GRIN2D: variants seen among roughly 807,000 people sequenced by gnomAD.
GRIN2D encodes the protein glutamate receptor ionotropic, NMDA 2D.
GRIN2D carries 37 observed loss-of-function variants against 103.2 expected under a neutral mutation model. The observed-to-expected ratio is 0.36, with a 90% confidence interval of 0.28 to 0.47. The LOEUF (loss-of-function observed/expected upper bound fraction) is 0.47, where lower values mean the gene tolerates loss of function less well. Among genes scored for constraint, GRIN2D ranks in the 20% least tolerant of loss-of-function variants. GRIN2D has a pLI of 1.00. For synonymous variants in GRIN2D, 845 were observed against 885.6 expected (o/e 0.95, Z 0.81); for missense variants, 1,557 against 1,910.6 (o/e 0.81, Z 3.45).
In GRIN2D at chr19:48,404,741, G is replaced by C; in HGVS notation, c.473G>C (p.Gly158Ala). The change falls in exon 4 of 14, where the codon GGC becomes GCC. Residue 158 changes from glycine to alanine, a missense_variant. Gly to Ala is a moderately conservative substitution (Grantham distance 60). Transcript: ENST00000263269. The stretch of plus-strand genomic sequence containing the variant: ...CTCCTCCCTCCCTGGCAGGAGAAGG[G>C]CTCCACCTTCCTGCAGCTGGGCTCT... ...AALVLTPKEK[G>A]STFLQLGSST... is the part of the protein sequence containing the mutation. The C allele has an allele frequency of 6.2e-7, 1 of 1,600,524 alleles. No homozygotes were observed. The highest frequency in any genetic ancestry group is 8.5e-7 in the Non-Finnish European group (1 of 1,171,904).
rs559796936 is a variant in GRIN2D, at chr19:48,404,634, G to A, written c.466-100G>A. 53 of 1,199,004 alleles carry A rather than the reference G, an allele frequency of 4.4e-5. No homozygotes were observed. The East Asian group carries it at 1.2e-3, about 28-fold the overall frequency. The allele number at this position is 1,199,004 out of a possible 1,614,324, so 74.3% of individuals were successfully genotyped here. Reference sequence around the variant, plus strand: ...AGGAGATGGGTTTAGTGAACCTGTCGAGTCAGTCTGCCATATTGGGAGCTG... The same window carrying A: ...AGGAGATGGGTTTAGTGAACCTGTCAAGTCAGTCTGCCATATTGGGAGCTG... On this transcript the variant is annotated intron_variant, in intron 3 of 13. Coordinates refer to ENST00000263269, the MANE Select transcript of GRIN2D (RefSeq NM_000836.4).
chr19:48,415,938 G>T, intron 7 of GRIN2D, 64 bp from the exon 8 acceptor site: 1 of 1,472,136 alleles, frequency 6.8e-7, no homozygotes, highest in South Asian at 1.1e-5. Flanking sequence ...TCTGCTCGCC[G>T]TCCGTGTCAG....
Position 48,398,720 on chromosome 19 carries a change from T to C in GRIN2D, c.328T>C (p.Leu110=). The change falls in exon 3 of 14, where the codon TTG becomes CTG. Residue 110 remains leucine (L), a synonymous_variant. Coordinates refer to ENST00000263269, the MANE Select transcript of GRIN2D (RefSeq NM_000836.4). The stretch of plus-strand genomic sequence containing the variant: ...GCAGCTCTGCGACCTGCTGTCGGGG[T>C]TGCGCGTGCACGGCGTGGTCTTCGA... ...VLQLCDLLSG[L]RVHGVVFEDD... The C allele has an allele frequency of 6.8e-7, 1 of 1,467,542 alleles. No homozygotes were observed. Among genetic ancestry groups the C allele is most frequent in the Non-Finnish European group, 9.0e-7 (1 of 1,115,758 alleles). The allele number at this position is 1,467,542 out of a possible 1,614,324, so 90.9% of individuals were successfully genotyped here.
chr19:48,416,211 C>T (rs1042444245), intron 8 of GRIN2D, 56 bp downstream of exon 8: 4 of 1,509,176 alleles, frequency 2.7e-6, no homozygotes, highest in Non-Finnish European at 3.6e-6. Flanking sequence ...CCGTCCCCAA[C>T]CGTGTGGGCC....
Position 48,398,760 on chromosome 19 carries a change from C to T in GRIN2D, c.368C>T (p.Ala123Val). The T allele has an allele frequency of 6.8e-7, 1 of 1,463,046 alleles. No individual in the cohort carries two copies. 90.6% of individuals were successfully genotyped at this position (1,463,046 alleles called of 1,614,324 possible). A position where few individuals can be genotyped will look rare whatever the true frequency, so the allele number is the denominator to read the frequency against. Residue 123 changes from alanine (A) to valine (V), a missense_variant, in exon 3 of 14, where the codon GCG (alanine) becomes GTG (valine). By Grantham distance (64) the Ala-to-Val change is moderately conservative. This residue lies in a region of GRIN2D where 490 missense variants were observed against 601.1 expected (regional missense o/e 0.82). Coordinates refer to ENST00000263269, the MANE Select transcript of GRIN2D (RefSeq NM_000836.4). ...GTGGTCTTCGAAGACGACTCGCGCGCGCCCGCCGTCGCGCCCATCCTCGAC... is the reference window on the plus strand; with the variant it reads ...GTGGTCTTCGAAGACGACTCGCGCGTGCCCGCCGTCGCGCCCATCCTCGAC... Reference protein sequence around the residue: ...HGVVFEDDSRAPAVAPILDFL... With the variant: ...HGVVFEDDSRVPAVAPILDFL...
At chr19:48,424,347 T>C (rs1971061892) in intron 11 of GRIN2D, among the ~76,000 whole-genome samples, 1 of 145,452 alleles carries the variant, frequency 6.9e-6, no homozygotes, top group Non-Finnish European at 1.5e-5. Flanking sequence ...CTCGGCTCAC[T>C]GCAAGCGCCG....
chr19:48,442,584 G>C lies in GRIN2D; in HGVS notation c.2674-16G>C. Reference sequence around the variant, plus strand: ...GGCATCTCGCGCTGACCCCCGTCCTGTCCCCGGACCCGCAGGGCATGTACA... The same window carrying C: ...GGCATCTCGCGCTGACCCCCGTCCTCTCCCCGGACCCGCAGGGCATGTACA... On this transcript the variant is annotated splice_polypyrimidine_tract_variant and intron_variant, in intron 13 of 13. Coordinates refer to ENST00000263269, the MANE Select transcript of GRIN2D (RefSeq NM_000836.4). The surrounding 1 kb of genome is among the most constrained non-coding windows in gnomAD (Gnocchi z 7.2). 1 of 1,496,266 alleles carries C rather than the reference G, an allele frequency of 6.7e-7. No homozygotes were observed. Among genetic ancestry groups the C allele is most frequent in the South Asian group, 1.3e-5 (1 of 77,032 alleles). The allele number at this position is 1,496,266 out of a possible 1,614,324, so 92.7% of individuals were successfully genotyped here.
intron 8 of GRIN2D, among the ~76,000 whole-genome samples, chr19:48,419,029 T>G (rs1045791124): frequency 9.3e-5 from 14 of 150,766 alleles, no homozygotes; most frequent in Admixed American, 5.9e-4. Context: ...TACCCTAGGG[T>G]TTTTTTTCTT....
At chr19:48,399,188 G>A (rs1336813749) in intron 3 of GRIN2D, among the ~76,000 whole-genome samples, 1 of 152,184 alleles carries the variant, frequency 6.6e-6, no homozygotes, top group Non-Finnish European at 1.5e-5. Context: ...AGGGTTAGGG[G>A]CTGGGAACGA....
At chr19:48,436,103 G>A (rs1395941854) in intron 11 of GRIN2D, among the ~76,000 whole-genome samples, 1 of 152,194 alleles carries the variant, frequency 6.6e-6, no homozygotes, top group Non-Finnish European at 1.5e-5. Context: ...GATTTATCAA[G>A]ACGGGGGGTC....
At chr19:48,428,525 G>A (rs561223033) in intron 11 of GRIN2D, among the ~76,000 whole-genome samples, 4 of 151,868 alleles carry the variant, frequency 2.6e-5, no homozygotes, top group Middle Eastern at 6.8e-3. Context: ...ACCAAGCCCC[G>A]CTAATTTTTG....
intron 7 of GRIN2D, 42 bp from the exon 8 acceptor site, chr19:48,415,960 G>C (rs765993588): frequency 2.5e-6 from 4 of 1,582,400 alleles, no homozygotes; most frequent in African/African-American, 1.3e-5. Flanking sequence ...CTGTCCGCTT[G>C]AGCCGGGTTC....
rs1970766305 is a variant in GRIN2D at position 48,404,945 on chromosome 19, G to C, written c.677G>C (p.Gly226Ala). 11 of 1,612,828 alleles carry C rather than the reference G, an allele frequency of 6.8e-6. No individual in the cohort carries two copies. Among genetic ancestry groups the C allele is most frequent in the Non-Finnish European group, 9.3e-6 (11 of 1,179,666 alleles). ...EHRGALTLDP[G>A]AGEAVLSAQL... ...CGCGGAGCGCTGACGCTGGACCCTGGGGCGGGCGAGGCCGTGCTCAGTGCC... is the reference window on the plus strand; with the variant it reads ...CGCGGAGCGCTGACGCTGGACCCTGCGGCGGGCGAGGCCGTGCTCAGTGCC... Residue 226 changes from glycine (G) to alanine (A), a missense_variant, in exon 4 of 14, where the codon GGG becomes GCG. By Grantham distance (60) the Gly-to-Ala change is moderately conservative (BLOSUM62 0). Transcript: ENST00000263269.
intron 2 of GRIN2D, among the ~76,000 whole-genome samples, chr19:48,395,690 G>A (rs1374371037): frequency 6.6e-6 from 1 of 152,038 alleles, no homozygotes; most frequent in African/African-American, 2.4e-5. Flanking sequence ...GACAGGCTGT[G>A]CTATGTACAG....
rs756596277 is a variant in GRIN2D at position 48,442,585 on chromosome 19, TC to T, written c.2674-11del. The T allele has an allele frequency of 6.0e-6, 9 of 1,495,146 alleles. No individual in the cohort carries two copies. Among genetic ancestry groups the T allele is most frequent in the South Asian group, 2.6e-5 (2 of 76,980 alleles). The allele number at this position is 1,495,146 out of a possible 1,614,324, so 92.6% of individuals were successfully genotyped here. On this transcript the variant is annotated splice_polypyrimidine_tract_variant and intron_variant, in intron 13 of 13. Coordinates refer to ENST00000263269, the MANE Select transcript of GRIN2D (RefSeq NM_000836.4). This position sits in a 1 kb window ranked among gnomAD's most constrained non-coding sequence, Gnocchi z 7.2. ...GCATCTCGCGCTGACCCCCGTCCTGTCCCCGGACCCGCAGGGCATGTACAGC... is the reference window on the plus strand; with the variant it reads ...GCATCTCGCGCTGACCCCCGTCCTGTCCCGGACCCGCAGGGCATGTACAGC...
At position 48,414,053 on chromosome 19, in the gene GRIN2D, T is replaced by C. The variant is rs1159711205; in HGVS notation, c.1148T>C (p.Val383Ala). The change falls in exon 5 of 14, where the codon GTG (valine) becomes GCG (alanine). Residue 383 changes from valine to alanine, a missense_variant. Physicochemically the swap from Val to Ala is moderately conservative, Grantham distance 64 (BLOSUM62 0). Coordinates refer to ENST00000263269, the MANE Select transcript of GRIN2D (RefSeq NM_000836.4). This position sits in a 1 kb window ranked among gnomAD's most constrained non-coding sequence, Gnocchi z 4.6. ...DYSFNEDGFL[V>A]NPSLVVISLT... ...TCCTTCAATGAGGACGGCTTCCTAG[T>C]GAACCCCTCCCTGGTGGTCATCTCC... The C allele has an allele frequency of 2.5e-6, 4 of 1,613,176 alleles. No individual in the cohort carries two copies. The South Asian group carries it at 4.4e-5, about 18-fold the overall frequency.
chr19:48,429,195 G>A (rs2147464371), intron 11 of GRIN2D, among the ~76,000 whole-genome samples: 1 of 151,998 alleles, frequency 6.6e-6, no homozygotes, highest in African/African-American at 2.4e-5. Flanking sequence ...CATCCACATA[G>A]TTTGGAGAGT....
At chr19:48,424,416 GC>G (rs1971063418) in intron 11 of GRIN2D, among the ~76,000 whole-genome samples, 1 of 150,566 alleles carries the variant, frequency 6.6e-6, no homozygotes, top group Non-Finnish European at 1.5e-5. Flanking sequence ...GACTACAGGC[GC>G]CCACCACCAC....
chr19:48,435,302 T>TG (rs966651906), intron 11 of GRIN2D, among the ~76,000 whole-genome samples: 2 of 149,122 alleles, frequency 1.3e-5, no homozygotes, highest in African/African-American at 2.5e-5. Flanking sequence ...ACTTGTTTTT[T>TG]TTTTTTTTTT....
Sources: allele counts gnomAD v4.1 joint callset (sites outside exome capture counted in the v4.1 genomes callset), GRCh38; gene constraint gnomAD v4.1.1; regional missense constraint gnomAD v4.1.1; non-coding constraint Gnocchi (gnomAD v3.1); transcripts MANE v1.5; gene names NCBI Gene and HGNC (gene_info 2026-07-23, HGNC 2026-07-21).